The following PRIM2 variants were observed in gnomAD, a reference collection of about 807,000 sequenced individuals.
The protein encoded by PRIM2 is DNA primase large subunit.
A neutral mutation model predicts 67.3 loss-of-function variants in PRIM2; 39 were observed. The ratio of observed to expected loss-of-function variants is 0.58; its 90% CI spans 0.45 to 0.76. The LOEUF is 0.76. Among genes scored for constraint, PRIM2 ranks in the 30% least tolerant of loss-of-function variants. PRIM2 has a pLI of 0.00. For missense variants in PRIM2, 398 were observed against 598.7 expected (o/e 0.66, Z 3.50); for synonymous variants, 143 against 198.7 (o/e 0.72, Z 2.36).
chr6:57,347,113 T>C (rs1234011671), intron 5 of PRIM2, among the ~76,000 whole-genome samples: 1 of 152,206 alleles, frequency 6.6e-6, no homozygotes, highest in African/African-American at 2.4e-5. Context: ...TCATCTCTGG[T>C]CAAAGTGTGC....
chr6:57,612,208 A>G (rs1348398340), intron 12 of PRIM2, among the ~76,000 whole-genome samples: 1 of 152,208 alleles, frequency 6.6e-6, no homozygotes, highest in Non-Finnish European at 1.5e-5. Context: ...TACACATGCT[A>G]TGTGACACAG....
intron 5 of PRIM2, among the ~76,000 whole-genome samples, chr6:57,331,956 C>T (rs547314332): frequency 6.6e-6 from 1 of 151,400 alleles, no homozygotes; most frequent in Non-Finnish European, 1.5e-5. Context: ...GTTTGGTTTG[C>T]TCTTTTCTTC....
chr6:57,631,884 A>G, intron 12 of PRIM2, among the ~76,000 whole-genome samples: 1 of 152,336 alleles, frequency 6.6e-6, no homozygotes, highest in East Asian at 1.9e-4. Context: ...AGTTATTAAA[A>G]TGTACAGTTG....
chr6:57,244,361 G>A, the PRIM2 span, among the ~76,000 whole-genome samples: 19 of 152,136 alleles, frequency 1.2e-4, no homozygotes, highest in Admixed American at 1.2e-3. Context: ...TTCCTTTTCA[G>A]AGAACTTTTG....
At chr6:57,602,125 T>C (rs1402598172) in intron 11 of PRIM2, among the ~76,000 whole-genome samples, 4 of 151,534 alleles carry the variant, frequency 2.6e-5, no homozygotes, top group Admixed American at 2.6e-4. Flanking sequence ...AATGGCGCGA[T>C]CTCGGCTCAC....
chr6:57,436,328 G>A (rs189590418), intron 7 of PRIM2, among the ~76,000 whole-genome samples: 7 of 152,230 alleles, frequency 4.6e-5, no homozygotes, highest in Admixed American at 3.9e-4. Flanking sequence ...TCATAAAGTC[G>A]CTAAGTCTCT....
the PRIM2 span, among the ~76,000 whole-genome samples, chr6:57,269,086 A>G: frequency 1.3e-5 from 2 of 152,148 alleles, no homozygotes; most frequent in Non-Finnish European, 2.9e-5. Flanking sequence ...TAGTGCTGCA[A>G]TAAACAAATG....
In PRIM2 at chr6:57,334,040, C is replaced by T. The variant is rs571884541; in HGVS notation, c.459+7995C>T. Among the ~76,000 whole-genome samples, 13 of 152,278 alleles carry T rather than the reference C, an allele frequency of 8.5e-5. No individual in the cohort carries two copies. The South Asian group carries it at 2.5e-3, about 29-fold the overall frequency. On this transcript the variant is annotated intron_variant, in intron 5 of 13. Transcript: ENST00000615550. ...TTAACTGTGATTATGCATCCTTTAA[C>T]AGACATCTCCCTAACCTCTTTTCCT...
the PRIM2 span, among the ~76,000 whole-genome samples, chr6:57,277,709 G>A: frequency 6.6e-6 from 1 of 152,132 alleles, no homozygotes; most frequent in African/African-American, 2.4e-5. Flanking sequence ...GCCAGGCGCG[G>A]TGGCTTCATG....
At chr6:57,565,261 C>T (rs1775715809) in intron 10 of PRIM2, among the ~76,000 whole-genome samples, 2 of 149,052 alleles carry the variant, frequency 1.3e-5, no homozygotes, top group South Asian at 2.2e-4. Context: ...CAGTCTTTTC[C>T]ATATTTTATT....
intron 7 of PRIM2, among the ~76,000 whole-genome samples, chr6:57,478,595 A>G: frequency 6.6e-6 from 1 of 152,192 alleles, no homozygotes; most frequent in Admixed American, 6.5e-5. Flanking sequence ...TTGACTTTGT[A>G]TGAAAGTACC....
intron 5 of PRIM2, among the ~76,000 whole-genome samples, chr6:57,332,619 C>T (rs1392583853): frequency 6.6e-6 from 1 of 151,894 alleles, no homozygotes; most frequent in African/African-American, 2.4e-5. Context: ...ATGAAATGTT[C>T]CTCTCTAGTA....
intron 7 of PRIM2, among the ~76,000 whole-genome samples, chr6:57,471,647 A>G (rs1773339799): frequency 1.3e-5 from 2 of 152,222 alleles, no homozygotes; most frequent in South Asian, 2.1e-4. Context: ...AGGGCAGATC[A>G]AGTGGCGTTT....
In PRIM2 at chr6:57,355,488, A is replaced by G. The variant is rs573751664; in HGVS notation, c.460-24413A>G. 1.1e-3 allele frequency among the ~76,000 whole-genome samples: 171 copies of G among 152,304 alleles called. 1 individual carries two copies. The highest frequency in any genetic ancestry group is 2.0e-3 in the Non-Finnish European group (139 of 68,018). On this transcript the variant is annotated intron_variant, in intron 5 of 13. Transcript: ENST00000615550. ...GAAGCAGGGGGAACATCTCAGTTCA[A>G]TAACTGAACAAGAATTTGGATCCAG... is the stretch of plus-strand genomic sequence containing the variant.
At chr6:57,608,357 G>A (rs1352761869) in intron 12 of PRIM2, among the ~76,000 whole-genome samples, 1 of 152,126 alleles carries the variant, frequency 6.6e-6, no homozygotes, top group African/African-American at 2.4e-5. Context: ...TGGGTGAGGT[G>A]TCAGTAAAAT....
At position 57,477,708 on chromosome 6, in the gene PRIM2, G is replaced by C. The variant is rs1245020502; in HGVS notation, c.694-29679G>C. On this transcript the variant is annotated intron_variant, in intron 7 of 13. Transcript: ENST00000615550. ...AAGACTATAGATTCTTTATTTAAGGGTAGACTGGTAGACAGGAGGTTATAG... is the reference window on the plus strand; with the variant it reads ...AAGACTATAGATTCTTTATTTAAGGCTAGACTGGTAGACAGGAGGTTATAG... Among the ~76,000 whole-genome samples, 5 of 152,230 alleles carry C rather than the reference G, an allele frequency of 3.3e-5. No homozygotes were observed. In the East Asian group the frequency reaches 9.6e-4, roughly 29 times the overall value.
intron 12 of PRIM2, among the ~76,000 whole-genome samples, chr6:57,614,852 A>G (rs1407690879): frequency 1.3e-5 from 2 of 149,826 alleles, no homozygotes. Flanking sequence ...TCTGTCTCAA[A>G]TATATATATA....
intron 7 of PRIM2, among the ~76,000 whole-genome samples, chr6:57,422,158 C>CTTTTCTTTTTTTT (rs1361361927): frequency 1.9e-5 from 2 of 103,318 alleles, no homozygotes; most frequent in Non-Finnish European, 3.9e-5. Flanking sequence ...TCTTTTCTTT[C>CTTTTCTTTTTTTT]TTTTTTTTTT....
chr6:57,453,548 A>G (rs1416178213), intron 7 of PRIM2, among the ~76,000 whole-genome samples: 8 of 152,066 alleles, frequency 5.3e-5, no homozygotes, highest in African/African-American at 1.7e-4. Flanking sequence ...CTTTGAAGCA[A>G]TTGTGAATGG....
Sources: gnomAD v4.1 joint callset for allele counts (sites outside exome capture counted in the v4.1 genomes callset) on GRCh38, gnomAD v4.1.1 for gene constraint, MANE v1.5 for transcripts, NCBI Gene and HGNC (gene_info 2026-07-23, HGNC 2026-07-21) for gene names.